The following CHURC1 variants were observed in gnomAD, a reference collection of about 807,000 sequenced individuals.
The protein encoded by CHURC1 is churchill domain containing 1.
A neutral mutation model predicts 15.4 loss-of-function variants in CHURC1; 12 were observed. The ratio of observed to expected loss-of-function variants is 0.78; its 90% confidence interval spans 0.50 to 1.27. CHURC1 has a LOEUF of 1.27. CHURC1 is among the 50% of genes most tolerant of loss of function. The pLI is 0.00. For synonymous variants in CHURC1, 42 were observed against 47.5 expected (o/e 0.88, Z 0.48); for missense variants, 132 against 137.8 (o/e 0.96, Z 0.21).
rs952555220 is a variant in CHURC1, at chr14:64,935,328, G to A, written c.*3098G>A. 1.5e-5 allele frequency: 13 copies of A among 841,072 alleles called. No individual in the cohort carries two copies. In the African/African-American group the frequency reaches 2.4e-4, roughly 16 times the overall value. The allele number at this position is 841,072 out of a possible 1,614,324, so 52.1% of individuals were successfully genotyped here. On this transcript the variant is annotated 3_prime_UTR_variant, in exon 4 of 4. Transcript: ENST00000549115. ...GTGCACATGTACCCTAAAACTTAAA[G>A]TATAATAATAATAAAATAAAAAAAA...
intron 1 of CHURC1, among the ~76,000 whole-genome samples, chr14:64,917,523 A>G (rs868240286): frequency 1.3e-5 from 2 of 152,196 alleles, no homozygotes; most frequent in South Asian, 4.1e-4. Context: ...AGATCACACC[A>G]CTGCTCTCCA....
At chr14:64,918,485 C>G (rs866039638) in intron 1 of CHURC1, among the ~76,000 whole-genome samples, 1 of 152,122 alleles carries the variant, frequency 6.6e-6, no homozygotes, top group Non-Finnish European at 1.5e-5. Flanking sequence ...AGAGCAGAAG[C>G]CCACTGCTTT....
chr14:64,930,362 C>T (rs992177986), intron 3 of CHURC1, among the ~76,000 whole-genome samples: 5 of 152,196 alleles, frequency 3.3e-5, no homozygotes, highest in African/African-American at 4.8e-5. Flanking sequence ...TATTTTCCCA[C>T]AGAAGCACTT....
intron 3 of CHURC1, 113 bp downstream of exon 3, chr14:64,926,193 T>C (rs762274470): frequency 4.4e-5 from 25 of 564,482 alleles, no homozygotes; most frequent in Non-Finnish European, 6.8e-5. Flanking sequence ...CGTTAGCATA[T>C]ATTAAAGGAG....
chr14:64,914,649 C>A (rs915254941), intron 1 of CHURC1, 115 bp downstream of exon 1: 1 of 1,561,436 alleles, frequency 6.4e-7, no homozygotes, highest in African/African-American at 1.4e-5. Context: ...CTGCCGGTCC[C>A]GGTGACCCAG....
At chr14:64,923,273 CAAAA>C (rs563823780) in intron 1 of CHURC1, among the ~76,000 whole-genome samples, 1 of 103,332 alleles carries the variant, frequency 9.7e-6, no homozygotes. Context: ...TCTCAATTAC[CAAAA>C]AAAAAAAAAA....
chr14:64,921,452 TAAAG>T (rs537419175), intron 1 of CHURC1, among the ~76,000 whole-genome samples: 37 of 147,388 alleles, frequency 2.5e-4, no homozygotes, highest in African/African-American at 8.5e-4. Flanking sequence ...CTAAGATATA[TAAAG>T]AACTCTTACA....
chr14:64,929,694 C>A (rs1031322047), intron 3 of CHURC1, among the ~76,000 whole-genome samples: 1 of 152,110 alleles, frequency 6.6e-6, no homozygotes, highest in Non-Finnish European at 1.5e-5. Flanking sequence ...TCTCATATCC[C>A]CCCATAGGAT....
At position 64,923,924 on chromosome 14, in the gene CHURC1, C is replaced by T. The variant is rs887920572; in HGVS notation, c.40-67C>T. On this transcript the variant is annotated intron_variant, in intron 1 of 3. Transcript: ENST00000549115. ...TGTTTTGCCTTTAGACATTTTAAGT[C>T]TGTTAATCATCTTCACTAAAGATTT... 25 of 1,383,530 alleles carry T rather than the reference C, an allele frequency of 1.8e-5. No individual in the cohort carries two copies. The African/African-American group carries it at 3.4e-4, about 19-fold the overall frequency. 85.7% of individuals were successfully genotyped at this position (1,383,530 alleles called of 1,614,324 possible).
At position 64,934,506 on chromosome 14, in the gene CHURC1, CAG is replaced by C; in HGVS notation, c.*2277_*2278del. The C allele has an allele frequency of 1.0e-6, 1 of 985,312 alleles. No individual in the cohort carries two copies. The highest frequency in any genetic ancestry group is 1.2e-6 in the Non-Finnish European group (1 of 829,838). The allele number at this position is 985,312 out of a possible 1,614,324, so 61.0% of individuals were successfully genotyped here. On this transcript the variant is annotated 3_prime_UTR_variant, in exon 4 of 4. Coordinates refer to ENST00000549115, the MANE Select transcript of CHURC1 (RefSeq NM_001386928.1). ...AGGAAGAGGTTAAGAATATCAGTGA[CAG>C]TACTCTGAGGCATCTGGGCATGTCA... is the stretch of plus-strand genomic sequence containing the variant.
chr14:64,932,129 T>C lies in CHURC1; in HGVS notation c.247-9T>C, dbSNP rs1247558348. ...CCTCTAGGTAATTATGCACTTTATC[T>C]TGTTCTAGGAGTATACCATGCTGTG... On this transcript the variant is annotated splice_polypyrimidine_tract_variant and intron_variant, in intron 3 of 3. Transcript: ENST00000549115. 1 of 1,610,728 alleles carries C rather than the reference T, an allele frequency of 6.2e-7. No individual in the cohort carries two copies. The highest frequency in any genetic ancestry group is 1.3e-5 in the African/African-American group (1 of 74,920).
chr14:64,917,841 A>G (rs1396993491), intron 1 of CHURC1, among the ~76,000 whole-genome samples: 1 of 152,238 alleles, frequency 6.6e-6, no homozygotes, highest in Non-Finnish European at 1.5e-5. Context: ...TGTTGGAAGT[A>G]TCATTACAGA....
chr14:64,916,210 A>G lies in CHURC1; in HGVS notation c.39+1676A>G, dbSNP rs553542889. The stretch of plus-strand genomic sequence containing the variant: ...TATAATTCAAAAAGAGGCAAACCAA[A>G]ATATATTATTCAAGGATGTACCTGG... On this transcript the variant is annotated intron_variant, in intron 1 of 3. Transcript: ENST00000549115. 4.5e-4 allele frequency among the ~76,000 whole-genome samples: 69 copies of G among 152,332 alleles called. No homozygotes were observed. The South Asian group carries it at 0.014, about 31-fold the overall frequency.
chr14:64,933,932 A>T lies in CHURC1; in HGVS notation c.*1702A>T. 1 of 985,400 alleles carries T rather than the reference A, an allele frequency of 1.0e-6. No homozygotes were observed. The highest frequency in any genetic ancestry group is 1.2e-6 in the Non-Finnish European group (1 of 829,854). The allele number at this position is 985,400 out of a possible 1,614,324, so 61.0% of individuals were successfully genotyped here. ...AATTCATAAGGTAGGTGCTATTGAT[A>T]GTTTAGCCATAACCAGATATGGCTT... On this transcript the variant is annotated 3_prime_UTR_variant, in exon 4 of 4. Coordinates refer to ENST00000549115, the MANE Select transcript of CHURC1 (RefSeq NM_001386928.1).
chr14:64,930,785 C>G, intron 3 of CHURC1: 1 of 440,886 alleles, frequency 2.3e-6, no homozygotes, highest in Non-Finnish European at 4.5e-6. Context: ...TTTCCTTCTT[C>G]TTTTCCTGTA....
At position 64,932,540 on chromosome 14, in the gene CHURC1, C is replaced by T. The variant is rs2139922945; in HGVS notation, c.*310C>T. 1 of 912,978 alleles carries T rather than the reference C, an allele frequency of 1.1e-6. No individual in the cohort carries two copies. Among genetic ancestry groups the T allele is most frequent in the Non-Finnish European group, 1.3e-6 (1 of 741,800 alleles). 56.6% of individuals were successfully genotyped at this position (912,978 alleles called of 1,614,324 possible). A position where few individuals can be genotyped will look rare whatever the true frequency, so the allele number is the denominator to read the frequency against. On this transcript the variant is annotated 3_prime_UTR_variant, in exon 4 of 4. Coordinates refer to ENST00000549115, the MANE Select transcript of CHURC1 (RefSeq NM_001386928.1). ...AGATTTTGGTTTCCAATAAAAGGAACCAGGACTCCTTAGAAAATGAACTGA... is the reference window on the plus strand; with the variant it reads ...AGATTTTGGTTTCCAATAAAAGGAATCAGGACTCCTTAGAAAATGAACTGA...
intron 1 of CHURC1, among the ~76,000 whole-genome samples, chr14:64,915,990 G>A (rs1883857451): frequency 6.6e-6 from 1 of 152,150 alleles, no homozygotes; most frequent in African/African-American, 2.4e-5. Context: ...AAGTACTACT[G>A]ACTGCTAATG....
At chr14:64,914,848 AAGC>A (rs1883750555) in intron 1 of CHURC1, among the ~76,000 whole-genome samples, 2 of 151,764 alleles carry the variant, frequency 1.3e-5, no homozygotes, top group African/African-American at 4.8e-5. Flanking sequence ...TCTCATCCTC[AAGC>A]TCGATTTGAT....
Position 64,933,744 on chromosome 14 carries a change from T to C in CHURC1, c.*1514T>C. The C allele has an allele frequency of 1.0e-6, 1 of 985,426 alleles. No individual in the cohort carries two copies. The highest frequency in any genetic ancestry group is 1.2e-6 in the Non-Finnish European group (1 of 829,930). 61.0% of individuals were successfully genotyped at this position (985,426 alleles called of 1,614,324 possible). On this transcript the variant is annotated 3_prime_UTR_variant, in exon 4 of 4. Coordinates refer to ENST00000549115, the MANE Select transcript of CHURC1 (RefSeq NM_001386928.1). ...CTTCATATCTAGGAGATTTGGAAAT[T>C]CTGAACTAAGGTCTTATAAGAACAA... is the stretch of plus-strand genomic sequence containing the variant.
Sources: gnomAD v4.1 joint callset for allele counts (sites outside exome capture counted in the v4.1 genomes callset) on GRCh38, gnomAD v4.1.1 for gene constraint, MANE v1.5 for transcripts, NCBI Gene and HGNC (gene_info 2026-07-23, HGNC 2026-07-21) for gene names.